Variants in RRP1B observed in about 807,000 individuals in gnomAD.
RRP1B encodes the protein ribosomal RNA processing protein 1 homolog B.
Under a neutral mutation model 80.2 loss-of-function variants are expected in RRP1B, and 56 were observed. The ratio of observed to expected loss-of-function variants is 0.70; its 90% CI spans 0.56 to 0.87. The LOEUF is 0.87. Ranked by LOEUF, RRP1B falls within the 40% of genes least tolerant of loss-of-function variation. RRP1B has a pLI of 0.00. For synonymous variants in RRP1B, 351 were observed against 357.6 expected (o/e 0.98, Z 0.21); for missense variants, 807 against 939.8 (o/e 0.86, Z 1.85).
chr21:43,689,724 C>G (rs1377328179), intron 13 of RRP1B, among the ~76,000 whole-genome samples: 2 of 152,258 alleles, frequency 1.3e-5, no homozygotes, highest in Non-Finnish European at 2.9e-5. Context: ...AGAAGCTCCT[C>G]GGGCTTCCCT....
chr21:43,695,524 A>T lies in RRP1B; in HGVS notation c.*2141A>T, dbSNP rs2083104049. On this transcript the variant is annotated 3_prime_UTR_variant, in exon 16 of 16. Coordinates refer to ENST00000340648, the MANE Select transcript of RRP1B (RefSeq NM_015056.3). ...CTTACTCCTTTTTATGGGTAAGTCA[A>T]CTAGGTTTACAGTCCCTTATTTTTA... The T allele has an allele frequency of 6.6e-6, 1 of 152,254 alleles. No individual in the cohort carries two copies. Among genetic ancestry groups the T allele is most frequent in the African/African-American group, 2.4e-5 (1 of 41,474 alleles). The allele number at this position is 152,254 out of a possible 1,614,324, so 9.4% of individuals were successfully genotyped here.
At position 43,691,644 on chromosome 21, in the gene RRP1B, T is replaced by A. The variant is rs551849176; in HGVS notation, c.2083+142T>A. The A allele has an allele frequency of 4.7e-4, 296 of 625,172 alleles. 5 individuals carry two copies. Among genetic ancestry groups the A allele is most frequent in the African/African-American group, 2.1e-3 (115 of 53,510 alleles). 38.7% of individuals were successfully genotyped at this position (625,172 alleles called of 1,614,324 possible). On this transcript the variant is annotated intron_variant, in intron 15 of 15. Coordinates refer to ENST00000340648, the MANE Select transcript of RRP1B (RefSeq NM_015056.3). The surrounding 1 kb of genome is among the most constrained non-coding windows in gnomAD (Gnocchi z 4.2). ...GCCCATTTCTTTATTTTTATTTTTT[T>A]TTTTTTTTTGAGACAGAGTCTCGCT... is the stretch of plus-strand genomic sequence containing the variant.
At chr21:43,676,236 G>C (rs1192580127) in intron 6 of RRP1B, 36 bp from the exon 7 acceptor site, 2 of 1,454,382 alleles carry the variant, frequency 1.4e-6, no homozygotes, top group Non-Finnish European at 1.9e-6. Context: ...GAAGGGAAAG[G>C]CTCTTTCTCA....
chr21:43,684,140 C>T (rs1311069675), intron 9 of RRP1B, among the ~76,000 whole-genome samples: 1 of 148,780 alleles, frequency 6.7e-6, no homozygotes, highest in Non-Finnish European at 1.5e-5. Flanking sequence ...GGCTCGATCT[C>T]GGCTCACTGC....
chr21:43,676,751 C>T lies in RRP1B; in HGVS notation c.633C>T (p.Thr211=), dbSNP rs373515923. ...AKTKDHTLVQ[T]IARGVFEAIV... is the part of the protein sequence containing the mutation. Reference sequence around the variant, plus strand: ...CCCTCAGCCACACCCTGGTACAGACCATAGCTCGGGGTGTCTTCGAAGCTA... The same window carrying T: ...CCCTCAGCCACACCCTGGTACAGACTATAGCTCGGGGTGTCTTCGAAGCTA... The change falls in exon 8 of 16, where the codon ACC becomes ACT. Residue 211 remains threonine (T), a synonymous_variant. Coordinates refer to ENST00000340648, the MANE Select transcript of RRP1B (RefSeq NM_015056.3). 5 of 1,613,948 alleles carry T rather than the reference C, an allele frequency of 3.1e-6. No individual in the cohort carries two copies. The African/African-American group carries it at 6.7e-5, about 22-fold the overall frequency.
At chr21:43,666,026 G>C (rs555818988) in intron 1 of RRP1B, among the ~76,000 whole-genome samples, 1 of 152,126 alleles carries the variant, frequency 6.6e-6, no homozygotes, top group Non-Finnish European at 1.5e-5. Flanking sequence ...GTCCTTGCTG[G>C]GCAGCTACAT....
chr21:43,666,104 C>CT (rs2082977180), intron 1 of RRP1B, among the ~76,000 whole-genome samples: 2 of 152,200 alleles, frequency 1.3e-5, no homozygotes, highest in Non-Finnish European at 2.9e-5. Flanking sequence ...CTGGGTGGGG[C>CT]TTACCCCACG....
chr21:43,668,127 T>G (rs2082985591), intron 1 of RRP1B, among the ~76,000 whole-genome samples: 1 of 151,388 alleles, frequency 6.6e-6, no homozygotes, highest in Non-Finnish European at 1.5e-5. Flanking sequence ...GAGAATCGCT[T>G]GAACCCAGGA....
intron 2 of RRP1B, among the ~76,000 whole-genome samples, chr21:43,671,885 C>T (rs189581887): frequency 6.6e-6 from 1 of 151,258 alleles, no homozygotes; most frequent in East Asian, 2.0e-4. Context: ...GTGGGGAGTG[C>T]CATCTTGGTC....
In RRP1B at chr21:43,659,684, C is replaced by A; in HGVS notation, c.20C>A (p.Pro7Gln). 2 of 1,518,512 alleles carry A rather than the reference C, an allele frequency of 1.3e-6. No individual in the cohort carries two copies. Among genetic ancestry groups the A allele is most frequent in the Non-Finnish European group, 1.8e-6 (2 of 1,132,472 alleles). 94.1% of individuals were successfully genotyped at this position (1,518,512 alleles called of 1,614,324 possible). Residue 7 changes from proline to glutamine, a missense_variant, in exon 1 of 16, where the codon CCG becomes CAG. Coordinates refer to ENST00000340648, the MANE Select transcript of RRP1B (RefSeq NM_015056.3). This position sits in a 1 kb window ranked among gnomAD's most constrained non-coding sequence, Gnocchi z 4.2. ...GGCGCGATGGCCCCCGCCATGCAGC[C>A]GGCCGAGATCCAATTTGCCCAGCGG... is the stretch of plus-strand genomic sequence containing the variant. MAPAMQPAEIQFAQRLA... is the reference protein window; with the variant it reads MAPAMQQAEIQFAQRLA...
chr21:43,686,419 G>A (rs900491868), intron 11 of RRP1B: 5 of 179,726 alleles, frequency 2.8e-5, no homozygotes, highest in South Asian at 2.8e-4. Context: ...TGGTCCCCCC[G>A]GGAAAGGCTG....
At position 43,688,943 on chromosome 21, in the gene RRP1B, C is replaced by T. The variant is rs1022299372; in HGVS notation, c.1866+703C>T. 1.3e-5 allele frequency among the ~76,000 whole-genome samples: 2 copies of T among 152,362 alleles called. 1 individual carries two copies. Among genetic ancestry groups the T allele is most frequent in the Admixed American group, 1.3e-4 (2 of 15,300 alleles). ...TAGCTGGAATTACAGATACACATCA[C>T]CATGCCCAGCTAATTTTTGTTATTT... On this transcript the variant is annotated intron_variant, in intron 13 of 15. Coordinates refer to ENST00000340648, the MANE Select transcript of RRP1B (RefSeq NM_015056.3).
intron 1 of RRP1B, among the ~76,000 whole-genome samples, chr21:43,665,947 A>G (rs891794336): frequency 2.6e-5 from 4 of 152,204 alleles, no homozygotes; most frequent in African/African-American, 9.6e-5. Context: ...AGCATTAACC[A>G]GCTTAAACCC....
chr21:43,687,119 G>A (rs1190316771), intron 12 of RRP1B, among the ~76,000 whole-genome samples, 184 bp downstream of exon 12: 2 of 152,204 alleles, frequency 1.3e-5, no homozygotes, highest in South Asian at 2.1e-4. Context: ...GTGGAGCCGC[G>A]TCCCCACCTC....
intron 1 of RRP1B, among the ~76,000 whole-genome samples, chr21:43,661,411 C>T (rs1231456580): frequency 6.6e-6 from 1 of 152,192 alleles, no homozygotes; most frequent in Non-Finnish European, 1.5e-5. Context: ...CTTTTGGTTG[C>T]TGGTTCCCAC....
chr21:43,678,044 T>C (rs1180578554), intron 8 of RRP1B, among the ~76,000 whole-genome samples: 1 of 149,748 alleles, frequency 6.7e-6, no homozygotes, highest in African/African-American at 2.4e-5. Context: ...CTGGATCAAA[T>C]GGTGGATCTA....
At chr21:43,661,829 A>G (rs1293113496) in intron 1 of RRP1B, among the ~76,000 whole-genome samples, 3 of 152,198 alleles carry the variant, frequency 2.0e-5, no homozygotes, top group African/African-American at 7.2e-5. Context: ...TGTACAGCAC[A>G]CAATTTCTCA....
At chr21:43,677,974 A>G (rs1033368926) in intron 8 of RRP1B, among the ~76,000 whole-genome samples, 1 of 152,222 alleles carries the variant, frequency 6.6e-6, no homozygotes, top group Non-Finnish European at 1.5e-5. Flanking sequence ...AAGCGTATGC[A>G]AGTGTCTTTT....
rs1568962319 is a variant in RRP1B at position 43,693,460 on chromosome 21, C to CT, written c.*83dup. ...AATTATACCTTTAAGAATGTGGGGC[C>CT]TTTTTTATGATTTTGTAAGTTCCCA... On this transcript the variant is annotated 3_prime_UTR_variant, in exon 16 of 16. Transcript: ENST00000340648. The surrounding 1 kb of genome is among the most constrained non-coding windows in gnomAD (Gnocchi z 4.1). 3.0e-6 allele frequency: 4 copies of CT among 1,345,540 alleles called. No homozygotes were observed. Among genetic ancestry groups the CT allele is most frequent in the Non-Finnish European group, 2.0e-6 (2 of 1,018,972 alleles). 83.4% of individuals were successfully genotyped at this position (1,345,540 alleles called of 1,614,324 possible).
Sources: allele counts gnomAD v4.1 joint callset (sites outside exome capture counted in the v4.1 genomes callset), GRCh38; gene constraint gnomAD v4.1.1; non-coding constraint Gnocchi (gnomAD v3.1); transcripts MANE v1.5; gene names NCBI Gene and HGNC (gene_info 2026-07-23, HGNC 2026-07-21).